The following THADA variants were observed in gnomAD, a reference collection of about 807,000 sequenced individuals.
The protein encoded by THADA is THADA armadillo repeat containing.
In THADA, 213 loss-of-function variants were observed where a neutral mutation model predicts 219.8. That is an observed-to-expected ratio of 0.97 (90% CI 0.87 to 1.09). The LOEUF is 1.09. THADA is among the 50% of genes least tolerant of loss of function. The pLI is 0.00. For missense variants in THADA, 2,956 were observed against 2,311.3 expected, an observed-to-expected ratio of 1.28 and a Z score of -5.72; for synonymous variants, 1,018 against 828.9, an observed-to-expected ratio of 1.23 and a Z score of -3.92.
chr2:43,453,789 C>T (rs960397438), intron 26 of THADA, among the ~76,000 whole-genome samples: 2 of 152,180 alleles, frequency 1.3e-5, no homozygotes, highest in Non-Finnish European at 2.9e-5. Flanking sequence ...TATGTGTTTC[C>T]GCTTAATAGC....
intron 26 of THADA, among the ~76,000 whole-genome samples, chr2:43,461,647 G>A (rs998091323): frequency 3.3e-5 from 5 of 152,170 alleles, no homozygotes; most frequent in African/African-American, 1.2e-4. Context: ...AGGGGACTCA[G>A]CTAATCTGCT....
chr2:43,502,584 CAAAAAAAAAAAA>C (rs1172070049), intron 24 of THADA, among the ~76,000 whole-genome samples: 1 of 74,202 alleles, frequency 1.3e-5, no homozygotes, highest in African/African-American at 4.2e-5. Context: ...GACCTCGTCT[CAAAAAAAAAAAA>C]AAAAAAGAAA....
rs541481475 is a variant in THADA, at chr2:43,360,099, A to T, written c.4228-15862T>A. Reference sequence around the variant, plus strand: ...TCATATTATTTCTACTCATCCATTCAGGCTCAGCTCACCAATTTCCTTTGC... The same window carrying T: ...TCATATTATTTCTACTCATCCATTCTGGCTCAGCTCACCAATTTCCTTTGC... On this transcript the variant is annotated intron_variant, in intron 29 of 37. Transcript: ENST00000405975. Among the ~76,000 whole-genome samples the T allele has an allele frequency of 3.3e-5, 5 of 152,332 alleles. No homozygotes were observed. The South Asian group carries it at 1.0e-3, about 32-fold the overall frequency.
intron 28 of THADA, among the ~76,000 whole-genome samples, chr2:43,409,645 TTTTG>T (rs1240738049): frequency 6.6e-6 from 1 of 152,206 alleles, no homozygotes; most frequent in African/African-American, 2.4e-5. Context: ...TGCAATTTAA[TTTTG>T]TTTTTCTGGT....
intron 4 of THADA, among the ~76,000 whole-genome samples, chr2:43,587,455 T>C (rs1464234653): frequency 6.6e-6 from 1 of 152,216 alleles, no homozygotes; most frequent in East Asian, 1.9e-4. Context: ...ATCTTGATCT[T>C]TGTTCACTTA....
intron 7 of THADA, among the ~76,000 whole-genome samples, chr2:43,584,037 T>TAAAA (rs536050936): frequency 3.4e-4 from 22 of 65,578 alleles, no homozygotes; most frequent in African/African-American, 1.1e-3. Flanking sequence ...TTGTCTCAAT[T>TAAAA]AAAAAAAAAA....
chr2:43,404,058 T>G (rs1225074964), intron 28 of THADA, among the ~76,000 whole-genome samples: 2 of 152,244 alleles, frequency 1.3e-5, no homozygotes, highest in Non-Finnish European at 2.9e-5. Flanking sequence ...TATGTATGTT[T>G]TGGCAAGCCA....
At chr2:43,240,581 G>A (rs916814841) in intron 36 of THADA, among the ~76,000 whole-genome samples, 2 of 152,158 alleles carry the variant, frequency 1.3e-5, no homozygotes, top group African/African-American at 4.8e-5. Context: ...TCAGAGCCCA[G>A]GCTCAGAGCT....
In THADA at chr2:43,504,873, G is replaced by C. The variant is rs529661185; in HGVS notation, c.3621+749C>G. Among the ~76,000 whole-genome samples, 11 of 152,294 alleles carry C rather than the reference G, an allele frequency of 7.2e-5. No homozygotes were observed. The East Asian group carries it at 2.1e-3, about 29-fold the overall frequency. ...CACTCCAGCATGAGCAACAGAGTGA[G>C]ACTCTGTCTCAAAAAACAAACAAAC... is the stretch of plus-strand genomic sequence containing the variant. On this transcript the variant is annotated intron_variant, in intron 24 of 37. Transcript: ENST00000405975.
At chr2:43,305,924 T>C (rs918295052) in intron 31 of THADA, among the ~76,000 whole-genome samples, 1 of 152,068 alleles carries the variant, frequency 6.6e-6, no homozygotes, top group East Asian at 1.9e-4. Context: ...TTTCCTTTCC[T>C]TTCCTGTCCA....
intron 36 of THADA, among the ~76,000 whole-genome samples, chr2:43,255,214 T>A (rs993662406): frequency 2.6e-5 from 4 of 152,220 alleles, no homozygotes; most frequent in African/African-American, 9.6e-5. Context: ...TATTTAGGTT[T>A]AAGGTAGGTG....
At chr2:43,362,728 T>G (rs1669673998) in intron 29 of THADA, among the ~76,000 whole-genome samples, 1 of 152,224 alleles carries the variant, frequency 6.6e-6, no homozygotes, top group Non-Finnish European at 1.5e-5. Context: ...CTTAGTTTGC[T>G]CTAACATTTT....
intron 26 of THADA, among the ~76,000 whole-genome samples, chr2:43,443,043 G>A (rs1681045354): frequency 6.6e-6 from 1 of 152,070 alleles, no homozygotes; most frequent in South Asian, 2.1e-4. Flanking sequence ...TACACCCTTT[G>A]CTTTCCCTAA....
intron 26 of THADA, among the ~76,000 whole-genome samples, chr2:43,480,009 C>T (rs921699539): frequency 6.6e-6 from 1 of 152,212 alleles, no homozygotes; most frequent in East Asian, 1.9e-4. Context: ...TGGCTAATTT[C>T]CCAAAGAGTC....
rs1031403117 is a variant in THADA at position 43,392,342 on chromosome 2, T to A, written c.4227+5629A>T. 3.3e-5 allele frequency among the ~76,000 whole-genome samples: 5 copies of A among 152,336 alleles called. No homozygotes were observed. The South Asian group carries it at 8.3e-4, about 25-fold the overall frequency. ...GAAATATATATACATATCTTTTCTATAAATGTTCATTTGCTTCCTTATTTA... is the reference window on the plus strand; with the variant it reads ...GAAATATATATACATATCTTTTCTAAAAATGTTCATTTGCTTCCTTATTTA... On this transcript the variant is annotated intron_variant, in intron 29 of 37. Coordinates refer to ENST00000405975, the MANE Select transcript of THADA (RefSeq NM_022065.5).
intron 29 of THADA, among the ~76,000 whole-genome samples, chr2:43,364,148 G>A (rs1475826211): frequency 6.6e-6 from 1 of 151,990 alleles, no homozygotes; most frequent in African/African-American, 2.4e-5. Context: ...GGCTCGAGCT[G>A]GGGAGGCAAA....
intron 26 of THADA, among the ~76,000 whole-genome samples, chr2:43,435,334 C>A (rs558516561): frequency 6.6e-6 from 1 of 152,168 alleles, no homozygotes; most frequent in South Asian, 2.1e-4. Context: ...TGGTGCACGC[C>A]TGTAATCCCA....
chr2:43,361,606 G>C (rs1270167245), intron 29 of THADA, among the ~76,000 whole-genome samples: 1 of 152,110 alleles, frequency 6.6e-6, no homozygotes, highest in Non-Finnish European at 1.5e-5. Context: ...TTGACCACTG[G>C]ACTTCTGCCT....
At chr2:43,420,906 T>G (rs1677628035) in intron 28 of THADA, among the ~76,000 whole-genome samples, 1 of 152,146 alleles carries the variant, frequency 6.6e-6, no homozygotes, top group Admixed American at 6.5e-5. Flanking sequence ...AGTACAGCCC[T>G]CCAAATAAAG....
Sources: gnomAD v4.1 joint callset for allele counts (sites outside exome capture counted in the v4.1 genomes callset) on GRCh38, gnomAD v4.1.1 for gene constraint, MANE v1.5 for transcripts, NCBI Gene and HGNC (gene_info 2026-07-23, HGNC 2026-07-21) for gene names.